Variants in SEMA3E observed in about 807,000 individuals in gnomAD.
SEMA3E encodes semaphorin 3E.
A neutral mutation model predicts 93.6 loss-of-function variants in SEMA3E; 49 were observed. That is an observed-to-expected ratio of 0.52 (90% CI 0.42 to 0.66). SEMA3E has a LOEUF of 0.66. Ranked by LOEUF, SEMA3E falls within the 30% of genes least tolerant of loss-of-function variation. SEMA3E has a pLI of 0.00. For synonymous variants in SEMA3E, 363 were observed against 330.7 expected (o/e 1.10, Z -1.06); for missense variants, 906 against 964.8 (o/e 0.94, Z 0.81).
At chr7:83,589,756 T>C (rs1053911283) in intron 1 of SEMA3E, among the ~76,000 whole-genome samples, 5 of 152,202 alleles carry the variant, frequency 3.3e-5, no homozygotes, top group Admixed American at 6.6e-5. Context: ...ATGGCACATC[T>C]CACTTTGACT....
At chr7:83,589,509 A>G (rs998010013) in intron 1 of SEMA3E, among the ~76,000 whole-genome samples, 3 of 152,180 alleles carry the variant, frequency 2.0e-5, no homozygotes, top group Admixed American at 2.0e-4. Flanking sequence ...CTCACGAGAC[A>G]TCTAGGCCTG....
At chr7:83,543,532 T>C (rs77516493) in intron 1 of SEMA3E, among the ~76,000 whole-genome samples, 2,436 of 152,196 alleles carry the variant, frequency 0.016, 69 homozygotes, top group African/African-American at 0.056. Flanking sequence ...TAACAAGCTC[T>C]TTTGTAATGG....
chr7:83,383,006 TGAACA>T (rs1235740916), intron 16 of SEMA3E, among the ~76,000 whole-genome samples: 2 of 151,926 alleles, frequency 1.3e-5, no homozygotes, highest in African/African-American at 4.8e-5. Context: ...AGTTTGAATC[TGAACA>T]GGCAGACATT....
At chr7:83,437,500 A>G (rs1789028935) in intron 4 of SEMA3E, among the ~76,000 whole-genome samples, 1 of 152,036 alleles carries the variant, frequency 6.6e-6, no homozygotes, top group Non-Finnish European at 1.5e-5. Context: ...ACTTTTTTTC[A>G]CTCAAAAAAC....
chr7:83,626,830 C>G (rs762531353), intron 1 of SEMA3E, among the ~76,000 whole-genome samples: 1 of 152,100 alleles, frequency 6.6e-6, no homozygotes, highest in Non-Finnish European at 1.5e-5. Context: ...CCCACTTTCT[C>G]CTGTAGGGAT....
intron 4 of SEMA3E, among the ~76,000 whole-genome samples, chr7:83,443,763 A>G (rs976133245): frequency 3.3e-5 from 5 of 152,088 alleles, no homozygotes; most frequent in Non-Finnish European, 5.9e-5. Flanking sequence ...TGAACATACC[A>G]GTTTTAAATT....
At chr7:83,415,657 TTTAAG>T (rs1308399939) in intron 5 of SEMA3E, among the ~76,000 whole-genome samples, 6 of 152,236 alleles carry the variant, frequency 3.9e-5, no homozygotes, top group East Asian at 1.9e-4. Flanking sequence ...GTCAACTGAA[TTTAAG>T]TTAACTGAAT....
chr7:83,567,726 A>G (rs192589637), intron 1 of SEMA3E, among the ~76,000 whole-genome samples: 8 of 152,228 alleles, frequency 5.3e-5, no homozygotes, highest in Admixed American at 3.9e-4. Flanking sequence ...CTGAAACATA[A>G]TATACAAAAA....
chr7:83,616,083 C>T lies in SEMA3E; in HGVS notation c.115+32345G>A, dbSNP rs1418934251. 5.3e-5 allele frequency among the ~76,000 whole-genome samples: 8 copies of T among 151,970 alleles called. 1 individual carries two copies. Among genetic ancestry groups the T allele is most frequent in the Non-Finnish European group, 5.9e-5 (4 of 68,000 alleles). ...TGAGCTAGATAACCCGTTGGGGTCC[C>T]TTTCAAATCTGTGCTCCTGTGATTT... On this transcript the variant is annotated intron_variant, in intron 1 of 16. Coordinates refer to ENST00000643230, the MANE Select transcript of SEMA3E (RefSeq NM_012431.3).
chr7:83,495,868 T>C (rs1790480579), intron 1 of SEMA3E, among the ~76,000 whole-genome samples: 1 of 151,938 alleles, frequency 6.6e-6, no homozygotes. Context: ...TTTTCTCCAG[T>C]GAACATGTGT....
intron 1 of SEMA3E, among the ~76,000 whole-genome samples, chr7:83,529,180 G>T (rs944287745): frequency 9.2e-5 from 14 of 152,070 alleles, no homozygotes; most frequent in African/African-American, 3.4e-4. Context: ...AAAATTACAT[G>T]CTTGATAAAG....
At chr7:83,440,816 A>G (rs1399792496) in intron 4 of SEMA3E, among the ~76,000 whole-genome samples, 10 of 151,988 alleles carry the variant, frequency 6.6e-5, no homozygotes, top group Non-Finnish European at 4.4e-5. Context: ...AAAAAAAAAA[A>G]AAAGACAGAT....
At chr7:83,386,162 CCCTAAGATGAAGGT>C (rs1402250837) in intron 15 of SEMA3E, among the ~76,000 whole-genome samples, 2 of 152,098 alleles carry the variant, frequency 1.3e-5, no homozygotes, top group African/African-American at 4.8e-5. Flanking sequence ...CCCTAAACTT[CCCTAAGATGAAGGT>C]CCTACTTTTC....
chr7:83,639,872 C>T (rs541746996), intron 1 of SEMA3E, among the ~76,000 whole-genome samples: 261 of 151,992 alleles, frequency 1.7e-3, no homozygotes, highest in African/African-American at 6.2e-3. Context: ...TGGAGAAACA[C>T]TTCTGAAGCC....
At chr7:83,408,823 C>G (rs1016706091) in intron 5 of SEMA3E, among the ~76,000 whole-genome samples, 3 of 152,152 alleles carry the variant, frequency 2.0e-5, no homozygotes, top group African/African-American at 7.2e-5. Context: ...TTGGTAAATA[C>G]CTTGGCTTCA....
intron 16 of SEMA3E, among the ~76,000 whole-genome samples, chr7:83,378,970 A>G (rs1211633565): frequency 6.6e-6 from 1 of 151,914 alleles, no homozygotes; most frequent in Non-Finnish European, 1.5e-5. Flanking sequence ...AGCATTATTC[A>G]CAGCAATAAA....
Position 83,408,472 on chromosome 7 carries a change from G to A in SEMA3E, c.566C>T (p.Ala189Val), listed in dbSNP as rs765052488. ...ISTLIGSELFAGLYSDYWSRD... is the reference protein window; with the variant it reads ...ISTLIGSELFVGLYSDYWSRD... ...GCTCCAGTAGTCACTGTAGAGTCCA[G>A]CAAACAATTCACTACCTACACGGGA... is the stretch of plus-strand genomic sequence containing the variant. The change falls in exon 6 of 17, where the codon GCT becomes GTT. Residue 189 changes from alanine to valine, a missense_variant. Transcript: ENST00000643230. The A allele has an allele frequency of 1.9e-6, 3 of 1,613,680 alleles. No individual in the cohort carries two copies. The highest frequency in any genetic ancestry group is 1.7e-5 in the Admixed American group (1 of 59,888).
chr7:83,574,639 T>G (rs928056642), intron 1 of SEMA3E, among the ~76,000 whole-genome samples: 8 of 152,162 alleles, frequency 5.3e-5, no homozygotes, highest in Non-Finnish European at 7.4e-5. Context: ...TTTAACCATG[T>G]CTGCTCTTGG....
intron 4 of SEMA3E, among the ~76,000 whole-genome samples, chr7:83,434,774 C>T (rs1788968596): frequency 7.2e-6 from 1 of 138,542 alleles, no homozygotes. Flanking sequence ...AGTGCAGTGG[C>T]GGGATCTCGG....
Sources: gnomAD v4.1 joint callset for allele counts (sites outside exome capture counted in the v4.1 genomes callset) on GRCh38, gnomAD v4.1.1 for gene constraint, MANE v1.5 for transcripts, NCBI Gene and HGNC (gene_info 2026-07-23, HGNC 2026-07-21) for gene names.